SLC26A4: variants seen among roughly 807,000 people sequenced by gnomAD.
SLC26A4 encodes the protein pendrin.
SLC26A4 carries 93 observed loss-of-function variants against 90.4 expected under a neutral mutation model. The observed-to-expected ratio is 1.03, with a 90% CI of 0.87 to 1.22. The LOEUF (loss-of-function observed/expected upper bound fraction) is 1.22. Ranked by LOEUF, SLC26A4 falls within the 50% of genes most tolerant of loss-of-function variation. The pLI, the probability that SLC26A4 is intolerant of heterozygous loss-of-function variation, is 0.00. For synonymous variants in SLC26A4, 393 were observed against 354.6 expected (o/e 1.11, Z -1.22); for missense variants, 1,127 against 946.2 (o/e 1.19, Z -2.51).
At position 107,661,527 on chromosome 7, in the gene SLC26A4, G is replaced by A; in HGVS notation, c.-3-112G>A. The A allele has an allele frequency of 8.3e-7, 1 of 1,210,512 alleles. No homozygotes were observed. Among genetic ancestry groups the A allele is most frequent in the East Asian group, 2.5e-5 (1 of 39,314 alleles). 75.0% of individuals were successfully genotyped at this position (1,210,512 alleles called of 1,614,324 possible). On this transcript the variant is annotated intron_variant, in intron 1 of 20. Coordinates refer to ENST00000644269, the MANE Select transcript of SLC26A4 (RefSeq NM_000441.2). The surrounding 1 kb of genome is among the most constrained non-coding windows in gnomAD (Gnocchi z 5.1). ...ACGCGGACCAGACTCGCGGTGCAGG[G>A]GGGCCTGGCTGCAGCTAACAGGTGA...
intron 15 of SLC26A4, among the ~76,000 whole-genome samples, chr7:107,700,897 CT>C (rs1361789074): frequency 1.3e-5 from 2 of 152,140 alleles, no homozygotes; most frequent in Non-Finnish European, 2.9e-5. Flanking sequence ...CTTTGATATG[CT>C]ACTGTCTTCT....
rs1027239016 is a variant in SLC26A4 at position 107,689,275 on chromosome 7, G to A, written c.1149+75G>A. ...AAAAACATAAATGGAAAAGATTTTG[G>A]TGTCAGCTAAAGAAGGGGTTGGATT... On this transcript the variant is annotated intron_variant, in intron 9 of 20. Transcript: ENST00000644269. 2.0e-6 allele frequency: 3 copies of A among 1,523,706 alleles called. No individual in the cohort carries two copies. The African/African-American group carries it at 4.1e-5, about 21-fold the overall frequency. 94.4% of individuals were successfully genotyped at this position (1,523,706 alleles called of 1,614,324 possible). A position where few individuals can be genotyped will look rare whatever the true frequency, so the allele number is the denominator to read the frequency against.
Position 107,661,246 on chromosome 7 carries a change from C to A in SLC26A4, c.-4+391C>A, listed in dbSNP as rs879759394. 2.6e-5 allele frequency: 7 copies of A among 268,976 alleles called. No homozygotes were observed. Among genetic ancestry groups the A allele is most frequent in the Non-Finnish European group, 4.3e-5 (6 of 139,910 alleles). The allele number at this position is 268,976 out of a possible 1,614,324, so 16.7% of individuals were successfully genotyped here. A position where few individuals can be genotyped will look rare whatever the true frequency, so the allele number is the denominator to read the frequency against. On this transcript the variant is annotated intron_variant, in intron 1 of 20. Coordinates refer to ENST00000644269, the MANE Select transcript of SLC26A4 (RefSeq NM_000441.2). The surrounding 1 kb of genome is among the most constrained non-coding windows in gnomAD (Gnocchi z 5.1). ...GGGAATCTCAGTGTCCCCTTCCAGCCTTGCAAGCGCCTTTGGCCCCTGCCC... is the reference window on the plus strand; with the variant it reads ...GGGAATCTCAGTGTCCCCTTCCAGCATTGCAAGCGCCTTTGGCCCCTGCCC...
chr7:107,664,101 T>C, intron 3 of SLC26A4, among the ~76,000 whole-genome samples: 1 of 152,362 alleles, frequency 6.6e-6, no homozygotes, highest in East Asian at 1.9e-4. Context: ...TATCTAAAGT[T>C]CCTGTGAAAT....
rs79420950 is a variant in SLC26A4, at chr7:107,667,934, A to C, written c.305-4204A>C. Among the ~76,000 whole-genome samples the C allele has an allele frequency of 6.3e-3, 955 of 152,262 alleles. 14 individuals are homozygous for C. The highest frequency in any genetic ancestry group is 0.022 in the African/African-American group (918 of 41,544). ...CGATTAAATGCAGAATATGTCCCTT[A>C]ACTTTGAGTCTGGTGGAGAAGGGTT... On this transcript the variant is annotated intron_variant, in intron 3 of 20. Coordinates refer to ENST00000644269, the MANE Select transcript of SLC26A4 (RefSeq NM_000441.2).
At chr7:107,682,106 A>AG (rs1791252644) in intron 6 of SLC26A4, among the ~76,000 whole-genome samples, 1 of 123,112 alleles carries the variant, frequency 8.1e-6, no homozygotes, top group African/African-American at 3.9e-5. Context: ...AAGAGAGCTA[A>AG]AAAAAAAAAA....
intron 18 of SLC26A4, 47 bp from the exon 19 acceptor site, chr7:107,710,007 A>AAAT (rs1584344448): frequency 3.2e-6 from 5 of 1,560,538 alleles, no homozygotes; most frequent in Middle Eastern, 1.7e-4. Flanking sequence ...ACAAACAAAA[A>AAAT]TTTCTTTTCC....
chr7:107,680,821 A>G (rs1255818163), intron 6 of SLC26A4, among the ~76,000 whole-genome samples: 2 of 152,136 alleles, frequency 1.3e-5, no homozygotes, highest in Admixed American at 6.6e-5. Context: ...GATTGGGATA[A>G]TGATTCCAAA....
intron 3 of SLC26A4, among the ~76,000 whole-genome samples, chr7:107,669,080 C>G (rs1790794615): frequency 6.6e-6 from 1 of 152,114 alleles, no homozygotes; most frequent in Admixed American, 6.5e-5. Context: ...GCCTCAGCCT[C>G]CTCAGTAGCT....
At chr7:107,707,353 G>A (rs751473094) in intron 18 of SLC26A4, among the ~76,000 whole-genome samples, 29 of 152,216 alleles carry the variant, frequency 1.9e-4, no homozygotes, top group Admixed American at 1.2e-3. Context: ...TAATTCCAAC[G>A]AATGGTATGA....
intron 3 of SLC26A4, among the ~76,000 whole-genome samples, chr7:107,665,197 A>C (rs1024101026): frequency 6.6e-6 from 1 of 152,164 alleles, no homozygotes; most frequent in Non-Finnish European, 1.5e-5. Context: ...GATGGCTTGA[A>C]AATAGACTAT....
At chr7:107,679,223 A>G (rs371117808) in intron 6 of SLC26A4, among the ~76,000 whole-genome samples, 18 of 152,220 alleles carry the variant, frequency 1.2e-4, no homozygotes, top group African/African-American at 3.6e-4. Context: ...CCACCACTCA[A>G]TTTGAATGGT....
chr7:107,707,091 G>T (rs1792054858), intron 18 of SLC26A4, among the ~76,000 whole-genome samples: 1 of 151,944 alleles, frequency 6.6e-6, no homozygotes, highest in Admixed American at 6.6e-5. Flanking sequence ...GAGCCCAGAT[G>T]GTGCCACTGC....
At position 107,661,773 on chromosome 7, in the gene SLC26A4, G is replaced by A; in HGVS notation, c.132G>A (p.Lys44=). Residue 44 remains lysine, a synonymous_variant, in exon 2 of 21, where the codon AAG becomes AAA. Coordinates refer to ENST00000644269, the MANE Select transcript of SLC26A4 (RefSeq NM_000441.2). This position sits in a 1 kb window ranked among gnomAD's most constrained non-coding sequence, Gnocchi z 5.1. ...QQHERRLQER[K]TLRESLAKCC... ...ACGAGCGGCGCCTGCAGGAGCGCAAGACGCTGCGGGAGAGCCTGGCCAAGT... is the reference window on the plus strand; with the variant it reads ...ACGAGCGGCGCCTGCAGGAGCGCAAAACGCTGCGGGAGAGCCTGGCCAAGT... 6.5e-7 allele frequency: 1 copy of A among 1,541,234 alleles called. No homozygotes were observed. The highest frequency in any genetic ancestry group is 8.7e-7 in the Non-Finnish European group (1 of 1,147,584).
intron 20 of SLC26A4, among the ~76,000 whole-genome samples, chr7:107,714,876 A>G (rs902533174): frequency 6.6e-6 from 1 of 152,142 alleles, no homozygotes; most frequent in Non-Finnish European, 1.5e-5. Flanking sequence ...TGCCTTGTAC[A>G]TAGTAAGTGC....
chr7:107,687,051 G>A (rs745661802), intron 8 of SLC26A4, among the ~76,000 whole-genome samples: 32 of 152,134 alleles, frequency 2.1e-4, no homozygotes, highest in Non-Finnish European at 4.0e-4. Flanking sequence ...AAGTACTCTG[G>A]TATTCTGTTT....
chr7:107,673,783 C>T (rs950244397), intron 4 of SLC26A4, among the ~76,000 whole-genome samples: 11 of 152,194 alleles, frequency 7.2e-5, no homozygotes, highest in East Asian at 5.8e-4. Context: ...GGCTGGAGTG[C>T]GGTGGCGTGA....
Position 107,672,189 on chromosome 7 carries a change from CT to C in SLC26A4, c.357del (p.Ala120LeufsTer6). On this transcript the variant is annotated frameshift_variant, in exon 4 of 21. Coordinates refer to ENST00000644269, the MANE Select transcript of SLC26A4 (RefSeq NM_000441.2). LOFTEE classifies it high-confidence loss of function. ...GTTCCTGTCGGATATGGTCTCTACT[CT>C]GCTTTTTTCCCTATCCTGACATACT... ...AAVPVGYGLY[S>X]AFFPILTYFI... 6.2e-7 allele frequency: 1 copy of C among 1,613,248 alleles called. No individual in the cohort carries two copies. Among genetic ancestry groups the C allele is most frequent in the Non-Finnish European group, 8.5e-7 (1 of 1,179,332 alleles).
chr7:107,661,781 G>A lies in SLC26A4; in HGVS notation c.140G>A (p.Arg47Gln), dbSNP rs1235162118. 6.5e-7 allele frequency: 1 copy of A among 1,539,722 alleles called. No individual in the cohort carries two copies. Among genetic ancestry groups the A allele is most frequent in the Non-Finnish European group, 8.7e-7 (1 of 1,147,180 alleles). Residue 47 changes from arginine to glutamine, a missense_variant, in exon 2 of 21, where the codon CGG becomes CAG. Transcript: ENST00000644269. This position sits in a 1 kb window ranked among gnomAD's most constrained non-coding sequence, Gnocchi z 5.1. ...CGCCTGCAGGAGCGCAAGACGCTGC[G>A]GGAGAGCCTGGCCAAGTGCTGCAGG... ...ERRLQERKTL[R>Q]ESLAKCCSCS...
Sources: allele counts gnomAD v4.1 joint callset (sites outside exome capture counted in the v4.1 genomes callset), GRCh38; gene constraint gnomAD v4.1.1; non-coding constraint Gnocchi (gnomAD v3.1); transcripts MANE v1.5; gene names NCBI Gene and HGNC (gene_info 2026-07-23, HGNC 2026-07-21).